TMTC2: variants seen among roughly 807,000 people sequenced by gnomAD.
TMTC2 encodes protein O-mannosyl-transferase TMTC2.
A neutral mutation model predicts 82.4 loss-of-function variants in TMTC2; 43 were observed. The ratio of observed to expected loss-of-function variants is 0.52; its 90% CI spans 0.41 to 0.67. The LOEUF is 0.67. Among genes scored for constraint, TMTC2 ranks in the 30% least tolerant of loss-of-function variants. The probability of loss-of-function intolerance (pLI) is 0.00; values close to 1 mark genes in which losing one functional copy is unlikely to be tolerated. For missense variants in TMTC2, 919 were observed against 1,012.4 expected (o/e 0.91, Z 1.25); for synonymous variants, 408 against 381.9 (o/e 1.07, Z -0.80).
rs554207249 is a variant in TMTC2 at position 82,766,863 on chromosome 12, A to C, written c.83+79194A>C. Among the ~76,000 whole-genome samples, 22 of 152,240 alleles carry C rather than the reference A, an allele frequency of 1.4e-4. No homozygotes were observed. The South Asian group carries it at 4.4e-3, about 30-fold the overall frequency. On this transcript the variant is annotated intron_variant, in intron 1 of 11. Transcript: ENST00000321196. ...CAACAGACTATAGTGCGGTGGCATG[A>C]TCTCGGCTCACTGCAACCTCTGCCT... is the stretch of plus-strand genomic sequence containing the variant.
At chr12:82,851,903 CAA>C (rs879483505) in intron 1 of TMTC2, among the ~76,000 whole-genome samples, 4 of 118,554 alleles carry the variant, frequency 3.4e-5, no homozygotes, top group Non-Finnish European at 3.6e-5. Context: ...GGTCACGAGA[CAA>C]AAAAAAAAAA....
At chr12:82,979,030 T>G (rs1320686018) in intron 7 of TMTC2, among the ~76,000 whole-genome samples, 1 of 151,860 alleles carries the variant, frequency 6.6e-6, no homozygotes, top group African/African-American at 2.4e-5. Flanking sequence ...TCCATTTGTG[T>G]GGAATATCTT....
intron 2 of TMTC2, among the ~76,000 whole-genome samples, chr12:82,875,682 G>A (rs531458357): frequency 2.0e-4 from 30 of 152,232 alleles, no homozygotes; most frequent in Admixed American, 4.6e-4. Flanking sequence ...GGAAGCCCAA[G>A]TAAGCAGAAG....
At chr12:82,911,141 A>T (rs1414994842) in intron 3 of TMTC2, among the ~76,000 whole-genome samples, 1 of 151,916 alleles carries the variant, frequency 6.6e-6, no homozygotes, top group African/African-American at 2.4e-5. Context: ...CAGCCTCCCA[A>T]AGTGTTGGGA....
At chr12:83,096,576 C>G (rs1884036784) in intron 11 of TMTC2, among the ~76,000 whole-genome samples, 1 of 152,156 alleles carries the variant, frequency 6.6e-6, no homozygotes, top group South Asian at 2.1e-4. Flanking sequence ...TGGTGGCAGA[C>G]AAGAGAGAAA....
At chr12:82,801,557 C>A (rs962154179) in intron 1 of TMTC2, among the ~76,000 whole-genome samples, 1 of 152,076 alleles carries the variant, frequency 6.6e-6, no homozygotes, top group Non-Finnish European at 1.5e-5. Context: ...CTGATTGGTC[C>A]GTTTTGACAG....
chr12:82,704,991 T>C lies in TMTC2; in HGVS notation c.83+17322T>C, dbSNP rs141989454. Among the ~76,000 whole-genome samples, 97 of 152,288 alleles carry C rather than the reference T, an allele frequency of 6.4e-4. 2 individuals carry two copies. In the East Asian group the frequency reaches 0.018, roughly 28 times the overall value. On this transcript the variant is annotated intron_variant, in intron 1 of 11. Transcript: ENST00000321196. ...AAGAAACTGTGGCATATGTATACGA[T>C]GGAATATTACTCAGCCATAAAAAGG...
At chr12:82,820,601 C>G (rs902832407) in intron 1 of TMTC2, among the ~76,000 whole-genome samples, 3 of 152,182 alleles carry the variant, frequency 2.0e-5, no homozygotes, top group Admixed American at 6.5e-5. Context: ...TCTTGAACTC[C>G]TGACCTCAGG....
At chr12:82,743,662 A>G (rs1346466729) in intron 1 of TMTC2, among the ~76,000 whole-genome samples, 1 of 152,028 alleles carries the variant, frequency 6.6e-6, no homozygotes, top group Non-Finnish European at 1.5e-5. Flanking sequence ...CTTTTATACT[A>G]TAATTTTTTG....
intron 3 of TMTC2, among the ~76,000 whole-genome samples, chr12:82,917,279 C>CT (rs1875051726): frequency 6.6e-6 from 1 of 151,854 alleles, no homozygotes; most frequent in Non-Finnish European, 1.5e-5. Context: ...TTTTTTCTCT[C>CT]TCCATTGACA....
chr12:82,940,084 G>A (rs1391689707), intron 4 of TMTC2, among the ~76,000 whole-genome samples: 2 of 142,528 alleles, frequency 1.4e-5, no homozygotes, highest in Non-Finnish European at 1.5e-5. Context: ...GCAGTGGCGC[G>A]ATCTCGGCTC....
chr12:82,974,414 A>C (rs942474479), intron 7 of TMTC2, among the ~76,000 whole-genome samples: 1 of 152,378 alleles, frequency 6.6e-6, no homozygotes, highest in African/African-American at 2.4e-5. Flanking sequence ...AAATCTTAAC[A>C]TTCTAAATGA....
chr12:83,020,757 T>C (rs1057421995), intron 8 of TMTC2, among the ~76,000 whole-genome samples: 2 of 152,202 alleles, frequency 1.3e-5, no homozygotes, highest in African/African-American at 4.8e-5. Flanking sequence ...TACTGCAGTA[T>C]GTGTGGGTGA....
chr12:83,048,277 T>A (rs1882216531), intron 9 of TMTC2, among the ~76,000 whole-genome samples: 1 of 152,212 alleles, frequency 6.6e-6, no homozygotes, highest in Non-Finnish European at 1.5e-5. Flanking sequence ...CTGATTCTTA[T>A]TTTACTGTTA....
In TMTC2 at chr12:82,687,611, G is replaced by A. The variant is rs1244545191; in HGVS notation, c.25G>A (p.Ala9Thr). 1.2e-6 allele frequency: 2 copies of A among 1,602,244 alleles called. No individual in the cohort carries two copies. ...GATGATTGCAGAGTTGGTGAGCAGC[G>A]CTCTGGGGCTCGCCTTGTATCTCAA... MIAELVSS[A>T]LGLALYLNTL... The change falls in exon 1 of 12, where the codon GCT becomes ACT. Residue 9 changes from alanine (A) to threonine (T), a missense_variant. Coordinates refer to ENST00000321196, the MANE Select transcript of TMTC2 (RefSeq NM_152588.3).
At position 82,751,989 on chromosome 12, in the gene TMTC2, T is replaced by C. The variant is rs1690951966; in HGVS notation, c.83+64320T>C. On this transcript the variant is annotated intron_variant, in intron 1 of 11. Transcript: ENST00000321196. The stretch of plus-strand genomic sequence containing the variant: ...TATTCAGACCAATATTATTGGCTAT[T>C]GGTGTTTAAACGCATTGACATTTTT... Among the ~76,000 whole-genome samples the C allele has an allele frequency of 2.0e-5, 3 of 152,156 alleles. No homozygotes were observed. The South Asian group carries it at 6.2e-4, about 32-fold the overall frequency.
At chr12:82,851,417 A>G (rs1431921566) in intron 1 of TMTC2, among the ~76,000 whole-genome samples, 1 of 152,198 alleles carries the variant, frequency 6.6e-6, no homozygotes, top group African/African-American at 2.4e-5. Flanking sequence ...CTCTGTCTCC[A>G]AAACAACAAC....
chr12:83,011,719 A>G (rs1313673493), intron 8 of TMTC2, among the ~76,000 whole-genome samples: 1 of 152,196 alleles, frequency 6.6e-6, no homozygotes, highest in Non-Finnish European at 1.5e-5. Flanking sequence ...CTACCGAACT[A>G]TACAACTTAA....
At chr12:82,949,825 C>G (rs1877249820) in intron 4 of TMTC2, among the ~76,000 whole-genome samples, 1 of 152,132 alleles carries the variant, frequency 6.6e-6, no homozygotes, top group South Asian at 2.1e-4. Flanking sequence ...GCAACCACGT[C>G]CATGAAGAGG....
Sources: gnomAD v4.1 joint callset for allele counts (sites outside exome capture counted in the v4.1 genomes callset) on GRCh38, gnomAD v4.1.1 for gene constraint, MANE v1.5 for transcripts, NCBI Gene and HGNC (gene_info 2026-07-23, HGNC 2026-07-21) for gene names.